DENND2B: variants seen among roughly 807,000 people sequenced by gnomAD.
DENND2B encodes DENN domain containing 2B, also known as DENN domain-containing protein 2B.
A neutral mutation model predicts 116.0 loss-of-function variants in DENND2B; 32 were observed. The observed-to-expected ratio is 0.28, with a 90% CI of 0.21 to 0.37. The LOEUF (loss-of-function observed/expected upper bound fraction) is 0.37. Among genes scored for constraint, DENND2B ranks in the 10% least tolerant of loss-of-function variants. DENND2B has a pLI of 1.00. For synonymous variants in DENND2B, 588 were observed against 583.9 expected (o/e 1.01, Z -0.10); for missense variants, 1,276 against 1,477.7 (o/e 0.86, Z 2.24).
At position 8,769,222 on chromosome 11, in the gene DENND2B, G is replaced by A. The variant is rs192701119; in HGVS notation, c.-25-18497C>T. On this transcript the variant is annotated intron_variant, in intron 1 of 19. Coordinates refer to ENST00000313726, the MANE Select transcript of DENND2B (RefSeq NM_213618.2). Reference sequence around the variant, plus strand: ...CACAGTCTCCACTGCCAAGGTAACAGCAACGTAAAGCAACTTCTTTTTTTT... The same window carrying A: ...CACAGTCTCCACTGCCAAGGTAACAACAACGTAAAGCAACTTCTTTTTTTT... Among the ~76,000 whole-genome samples, 21 of 145,572 alleles carry A rather than the reference G, an allele frequency of 1.4e-4. No homozygotes were observed. In the Admixed American group the frequency reaches 1.5e-3, roughly 10 times the overall value.
At chr11:8,850,774 G>A (rs573914881) in intron 3 of DENND2B, among the ~76,000 whole-genome samples, 5 of 152,136 alleles carry the variant, frequency 3.3e-5, no homozygotes, top group Admixed American at 2.0e-4. Context: ...GAGTCAACCT[G>A]AGTGTCTATC....
At chr11:8,718,257 C>G (rs1169338972) in intron 4 of DENND2B, 10 of 1,132,382 alleles carry the variant, frequency 8.8e-6, no homozygotes, top group Non-Finnish European at 1.2e-5. Flanking sequence ...CTTCCCTCTG[C>G]TGCAAACACC....
intron 13 of DENND2B, among the ~76,000 whole-genome samples, chr11:8,704,454 G>A (rs373860911): frequency 3.3e-4 from 50 of 152,322 alleles, no homozygotes; most frequent in Non-Finnish European, 5.6e-4. Flanking sequence ...ATGATGCTGC[G>A]CTATAAGGGA....
chr11:8,757,757 T>C (rs1283274778), intron 1 of DENND2B, among the ~76,000 whole-genome samples: 1 of 152,200 alleles, frequency 6.6e-6, no homozygotes, highest in Non-Finnish European at 1.5e-5. Flanking sequence ...GTTAATTAGC[T>C]TGCTCCAAGT....
Position 8,699,540 on chromosome 11 carries a change from C to T in DENND2B, c.2721-150G>A, listed in dbSNP as rs532377672. 61 of 727,252 alleles carry T rather than the reference C, an allele frequency of 8.4e-5. No homozygotes were observed. The East Asian group carries it at 1.3e-3, about 15-fold the overall frequency. 45.0% of individuals were successfully genotyped at this position (727,252 alleles called of 1,614,324 possible). ...GGACCCTGCAGACTGGTAAAGTCCCCGCTTTCCCACTGCGTAGCGCCTCAA... is the reference window on the plus strand; with the variant it reads ...GGACCCTGCAGACTGGTAAAGTCCCTGCTTTCCCACTGCGTAGCGCCTCAA... On this transcript the variant is annotated intron_variant, in intron 14 of 19. Transcript: ENST00000313726.
chr11:8,807,061 C>A (rs1189184829), intron 1 of DENND2B, among the ~76,000 whole-genome samples: 1 of 152,208 alleles, frequency 6.6e-6, no homozygotes, highest in Non-Finnish European at 1.5e-5. Flanking sequence ...TCCTCCCAAG[C>A]CCATGCAGAG....
At chr11:8,867,070 C>T (rs1242869855) in intron 2 of DENND2B, among the ~76,000 whole-genome samples, 3 of 152,130 alleles carry the variant, frequency 2.0e-5, no homozygotes, top group African/African-American at 4.8e-5. Context: ...GTCAAGCTGC[C>T]CCTCCTTAGT....
At position 8,702,496 on chromosome 11, in the gene DENND2B, T is replaced by A; in HGVS notation, c.2720+76A>T. ...ACTGGTCTCCGGCGCCTGCTTAGGC[T>A]CCTGAACACTTGCTGATTCGCTTGT... is the stretch of plus-strand genomic sequence containing the variant. On this transcript the variant is annotated intron_variant, in intron 14 of 19. Transcript: ENST00000313726. This position sits in a 1 kb window ranked among gnomAD's most constrained non-coding sequence, Gnocchi z 4.6. 3.1e-6 allele frequency: 5 copies of A among 1,592,688 alleles called. No homozygotes were observed. The highest frequency in any genetic ancestry group is 4.3e-6 in the Non-Finnish European group (5 of 1,174,782).
At chr11:8,896,390 A>G (rs10769970) in intron 1 of DENND2B, among the ~76,000 whole-genome samples, 51,582 of 152,100 alleles carry the variant, frequency 0.34, 10,432 homozygotes, top group Non-Finnish European at 0.44. Flanking sequence ...TTGGAAGGGA[A>G]CAGGAATTGG....
At chr11:8,847,674 T>C (rs2062861536) in intron 3 of DENND2B, among the ~76,000 whole-genome samples, 1 of 152,158 alleles carries the variant, frequency 6.6e-6, no homozygotes, top group South Asian at 2.1e-4. Flanking sequence ...CTGATATTGA[T>C]TCTCAAGGCA....
chr11:8,801,770 G>A (rs1048026085), intron 1 of DENND2B, among the ~76,000 whole-genome samples: 1 of 150,074 alleles, frequency 6.7e-6, no homozygotes. Flanking sequence ...TTGGAAAGCC[G>A]AGGTGGGCGG....
chr11:8,715,583 G>A lies in DENND2B; in HGVS notation c.1845+20C>T. 2 of 1,609,340 alleles carry A rather than the reference G, an allele frequency of 1.2e-6. No individual in the cohort carries two copies. Among genetic ancestry groups the A allele is most frequent in the South Asian group, 1.1e-5 (1 of 90,704 alleles). On this transcript the variant is annotated intron_variant, in intron 6 of 19. Transcript: ENST00000313726. ...CCGCCCACCTGCCCGGCTCCAGTGG[G>A]CTGCCTCTGGGGAGGGTACCTTGGG...
At chr11:8,869,083 A>C (rs1321586249) in intron 2 of DENND2B, among the ~76,000 whole-genome samples, 1 of 152,234 alleles carries the variant, frequency 6.6e-6, no homozygotes, top group Non-Finnish European at 1.5e-5. Context: ...GGAAGCCAAA[A>C]GATTGGACAT....
chr11:8,726,376 G>A (rs2047087022), intron 3 of DENND2B, 167 bp from the exon 4 acceptor site: 1 of 865,708 alleles, frequency 1.2e-6, no homozygotes, highest in African/African-American at 1.7e-5. Context: ...GAGACAGATG[G>A]TCTGAAAGGC....
intron 1 of DENND2B, among the ~76,000 whole-genome samples, chr11:8,801,991 T>G (rs1480307882): frequency 1.1e-5 from 1 of 92,748 alleles, no homozygotes; most frequent in Non-Finnish European, 2.0e-5. Context: ...GGCCCTCTCT[T>G]GGGGAAAAAA....
chr11:8,714,196 G>A (rs2044300605), intron 7 of DENND2B, among the ~76,000 whole-genome samples, 154 bp from the exon 8 acceptor site: 1 of 152,230 alleles, frequency 6.6e-6, no homozygotes, highest in African/African-American at 2.4e-5. Flanking sequence ...AGGGAGCTGA[G>A]TGGCCTGGGG....
At position 8,693,942 on chromosome 11, in the gene DENND2B, A is replaced by G. The variant is rs912425538; in HGVS notation, c.*154T>C. On this transcript the variant is annotated 3_prime_UTR_variant, in exon 20 of 20. Coordinates refer to ENST00000313726, the MANE Select transcript of DENND2B (RefSeq NM_213618.2). Reference sequence around the variant, plus strand: ...TTACAGCAGATTATTTACAAACAGTATCCTGGGATATGATGAAGGCAGAGG... The same window carrying G: ...TTACAGCAGATTATTTACAAACAGTGTCCTGGGATATGATGAAGGCAGAGG... The G allele has an allele frequency of 1.2e-5, 8 of 684,226 alleles. No individual in the cohort carries two copies. Among genetic ancestry groups the G allele is most frequent in the African/African-American group, 7.2e-5 (4 of 55,620 alleles). The allele number at this position is 684,226 out of a possible 1,614,324, so 42.4% of individuals were successfully genotyped here. A position where few individuals can be genotyped will look rare whatever the true frequency, so the allele number is the denominator to read the frequency against.
At chr11:8,900,943 T>C (rs2064160014) in intron 1 of DENND2B, among the ~76,000 whole-genome samples, 1 of 151,742 alleles carries the variant, frequency 6.6e-6, no homozygotes, top group Non-Finnish European at 1.5e-5. Flanking sequence ...CACTCCAGCC[T>C]AGGCAACAAG....
rs143383342 is a variant in DENND2B at position 8,756,500 on chromosome 11, T to A, written c.-25-5775A>T. On this transcript the variant is annotated intron_variant, in intron 1 of 19. Coordinates refer to ENST00000313726, the MANE Select transcript of DENND2B (RefSeq NM_213618.2). The stretch of plus-strand genomic sequence containing the variant: ...CAGAAGTGGCCTGGGAATTCAGGCA[T>A]CTTGAGCTGGCACTGCTGAGAACCT... Among the ~76,000 whole-genome samples, 341 of 152,318 alleles carry A rather than the reference T, an allele frequency of 2.2e-3. 2 individuals carry two copies. The highest frequency in any genetic ancestry group is 8.0e-3 in the African/African-American group (333 of 41,558).
Sources: allele counts gnomAD v4.1 joint callset (sites outside exome capture counted in the v4.1 genomes callset), GRCh38; gene constraint gnomAD v4.1.1; non-coding constraint Gnocchi (gnomAD v3.1); transcripts MANE v1.5; gene names NCBI Gene and HGNC (gene_info 2026-07-23, HGNC 2026-07-21).